ZBTB16: variants seen among roughly 807,000 people sequenced by gnomAD.
ZBTB16 encodes the protein zinc finger and BTB domain-containing protein 16.
Under a neutral mutation model 56.8 loss-of-function variants are expected in ZBTB16, and 8 were observed. The ratio of observed to expected loss-of-function variants is 0.14; its 90% CI spans 0.08 to 0.25. ZBTB16 has a LOEUF of 0.25. Ranked by LOEUF, ZBTB16 falls within the 10% of genes least tolerant of loss-of-function variation. The pLI, the probability that ZBTB16 is intolerant of heterozygous loss-of-function variation, is 1.00. For synonymous variants in ZBTB16, 363 were observed against 368.5 expected, an observed-to-expected ratio of 0.98 and a Z score of 0.17; for missense variants, 625 against 903.0, an observed-to-expected ratio of 0.69 and a Z score of 3.95.
chr11:114,189,845 G>C (rs1427087758), intron 4 of ZBTB16: 2 of 151,906 alleles, frequency 1.3e-5, no homozygotes, highest in Non-Finnish European at 2.9e-5. Flanking sequence ...CAAGAGAAGT[G>C]AGAATATATG....
chr11:114,084,014 T>A (rs1174637322), intron 2 of ZBTB16, among the ~76,000 whole-genome samples: 1 of 152,192 alleles, frequency 6.6e-6, no homozygotes, highest in East Asian at 1.9e-4. Context: ...GTGGCTTTAA[T>A]CCGTTGGTGG....
At chr11:114,223,172 A>G (rs973545504) in intron 4 of ZBTB16, among the ~76,000 whole-genome samples, 2 of 152,184 alleles carry the variant, frequency 1.3e-5, no homozygotes, top group Non-Finnish European at 2.9e-5. Context: ...TCAATTGTGA[A>G]TGACTCCTCA....
intron 2 of ZBTB16, among the ~76,000 whole-genome samples, chr11:114,070,900 T>G (rs188454497): frequency 2.5e-4 from 38 of 152,300 alleles, no homozygotes; most frequent in Admixed American, 1.6e-3. Context: ...CTCCTGGAAA[T>G]CTGGTCTTTT....
intron 2 of ZBTB16, among the ~76,000 whole-genome samples, chr11:114,090,473 G>C (rs1940144480): frequency 1.3e-5 from 2 of 152,148 alleles, no homozygotes; most frequent in African/African-American, 4.8e-5. Context: ...GCCTAGCCAG[G>C]GGAGCTCCCT....
At chr11:114,132,626 A>G (rs1007824678) in intron 2 of ZBTB16, among the ~76,000 whole-genome samples, 19 of 152,186 alleles carry the variant, frequency 1.2e-4, no homozygotes, top group African/African-American at 4.6e-4. Flanking sequence ...AATTGCCAAG[A>G]GCTGAGTAAA....
At chr11:114,083,944 A>G (rs1218691155) in intron 2 of ZBTB16, among the ~76,000 whole-genome samples, 4 of 152,102 alleles carry the variant, frequency 2.6e-5, no homozygotes. Context: ...AGGATGATAA[A>G]TCTTCTATCA....
intron 4 of ZBTB16, among the ~76,000 whole-genome samples, chr11:114,230,628 C>CTT (rs1222430447): frequency 5.8e-5 from 1 of 17,196 alleles, no homozygotes; most frequent in Non-Finnish European, 1.3e-4. Context: ...TAATCATCTT[C>CTT]TGTGGGGGGG....
intron 4 of ZBTB16, among the ~76,000 whole-genome samples, chr11:114,191,957 A>G (rs1404150477): frequency 1.3e-5 from 2 of 152,194 alleles, no homozygotes; most frequent in East Asian, 1.9e-4. Flanking sequence ...CGGACTGACC[A>G]TAGAGAGTGT....
At chr11:114,148,352 C>CGG (rs1942168402) in intron 2 of ZBTB16, among the ~76,000 whole-genome samples, 2 of 136,996 alleles carry the variant, frequency 1.5e-5, no homozygotes, top group African/African-American at 2.8e-5. Context: ...TTCCTTCCTT[C>CGG]CTTCCTTCCT....
chr11:114,129,929 G>A (rs1432171350), intron 2 of ZBTB16, among the ~76,000 whole-genome samples: 2 of 152,360 alleles, frequency 1.3e-5, no homozygotes, highest in Admixed American at 6.5e-5. Flanking sequence ...CACCGTAAAT[G>A]AAATGTGGCA....
At chr11:114,158,880 C>T (rs918993355) in intron 3 of ZBTB16, among the ~76,000 whole-genome samples, 2 of 152,168 alleles carry the variant, frequency 1.3e-5, no homozygotes, top group African/African-American at 2.4e-5. Context: ...CCTGGGATGC[C>T]GATGAACAGG....
At chr11:114,110,147 C>A (rs747917956) in intron 2 of ZBTB16, among the ~76,000 whole-genome samples, 1 of 152,064 alleles carries the variant, frequency 6.6e-6, no homozygotes, top group African/African-American at 2.4e-5. Flanking sequence ...TGGTGGAGCC[C>A]CTCATGTCAT....
chr11:114,223,859 G>T (rs1243467268), intron 4 of ZBTB16, among the ~76,000 whole-genome samples: 1 of 152,170 alleles, frequency 6.6e-6, no homozygotes, highest in Non-Finnish European at 1.5e-5. Context: ...AGGAATGGGG[G>T]AGAAAGGGAA....
chr11:114,118,652 T>C (rs932272330), intron 2 of ZBTB16, among the ~76,000 whole-genome samples: 3 of 152,232 alleles, frequency 2.0e-5, no homozygotes, highest in African/African-American at 7.2e-5. Context: ...TTTGTTATCT[T>C]TCCTGAGGAC....
At chr11:114,171,719 A>AT (rs879839225) in intron 3 of ZBTB16, among the ~76,000 whole-genome samples, 316 of 151,584 alleles carry the variant, frequency 2.1e-3, no homozygotes, top group Non-Finnish European at 2.5e-3. Flanking sequence ...TCACAGAGCT[A>AT]TTTTTTTTTC....
intron 4 of ZBTB16, among the ~76,000 whole-genome samples, chr11:114,206,549 C>T (rs1943879036): frequency 1.3e-5 from 2 of 152,220 alleles, no homozygotes; most frequent in Admixed American, 1.3e-4. Context: ...TCTGTATGGG[C>T]CTGAGGAGCC....
rs1033734808 is a variant in ZBTB16 at position 114,252,192 on chromosome 11, G to A, written c.*1637G>A. 1.3e-5 allele frequency among the ~76,000 whole-genome samples: 2 copies of A among 152,254 alleles called. No homozygotes were observed. Among genetic ancestry groups the A allele is most frequent in the South Asian group, 2.1e-4 (1 of 4,816 alleles). On this transcript the variant is annotated 3_prime_UTR_variant, in exon 7 of 7. Transcript: ENST00000335953. ...GGGAGTCACTTTTGGCTCCGCTGGTGCATGAAGTCACCTGTGGCCACCATC... is the reference window on the plus strand; with the variant it reads ...GGGAGTCACTTTTGGCTCCGCTGGTACATGAAGTCACCTGTGGCCACCATC...
chr11:114,111,213 A>G (rs977704980), intron 2 of ZBTB16, among the ~76,000 whole-genome samples: 2 of 151,970 alleles, frequency 1.3e-5, no homozygotes, highest in South Asian at 4.2e-4. Context: ...GGATCAAGAA[A>G]AATTTTAATG....
intron 2 of ZBTB16, among the ~76,000 whole-genome samples, chr11:114,104,455 C>G (rs373119918): frequency 1.3e-5 from 2 of 152,174 alleles, no homozygotes; most frequent in African/African-American, 4.8e-5. Context: ...TTTCTTTCAC[C>G]TACCTCCTTC....
Sources: allele counts gnomAD v4.1 joint callset (sites outside exome capture counted in the v4.1 genomes callset), GRCh38; gene constraint gnomAD v4.1.1; transcripts MANE v1.5; gene names NCBI Gene and HGNC (gene_info 2026-07-23, HGNC 2026-07-21).